Variants in GRIP1 observed in about 807,000 individuals in gnomAD.
GRIP1 encodes glutamate receptor interacting protein 1.
Under a neutral mutation model 129.9 loss-of-function variants are expected in GRIP1, and 45 were observed. The ratio of observed to expected loss-of-function variants is 0.35; its 90% CI spans 0.27 to 0.44. The LOEUF is 0.44. Among genes scored for constraint, GRIP1 ranks in the 20% least tolerant of loss-of-function variants. GRIP1 has a pLI of 1.00. For synonymous variants in GRIP1, 530 were observed against 520.8 expected, an observed-to-expected ratio of 1.02 and a Z score of -0.24; for missense variants, 1,196 against 1,396.8, an observed-to-expected ratio of 0.86 and a Z score of 2.29.
chr12:66,679,217 G>A, upstream of GRIP1: 1 of 1,031,122 alleles, frequency 9.7e-7, no homozygotes, highest in Non-Finnish European at 1.3e-6. Context: ...ACGACACTGT[G>A]TGAGGAGCCA....
At chr12:66,657,904 G>GA (rs1327532387) in intron 1 of GRIP1, among the ~76,000 whole-genome samples, 1 of 152,148 alleles carries the variant, frequency 6.6e-6, no homozygotes, top group Non-Finnish European at 1.5e-5. Context: ...TTAAATGTCT[G>GA]AAAAAGTCAT....
intron 1 of GRIP1, among the ~76,000 whole-genome samples, chr12:66,904,479 G>A (rs756298668): frequency 1.3e-5 from 2 of 152,222 alleles, no homozygotes; most frequent in Non-Finnish European, 2.9e-5. Flanking sequence ...AAATGTGTAT[G>A]AAATTCTGGG....
chr12:66,399,124 T>C (rs2056894948), intron 16 of GRIP1, among the ~76,000 whole-genome samples: 1 of 151,946 alleles, frequency 6.6e-6, no homozygotes, highest in African/African-American at 2.4e-5. Flanking sequence ...AGACATGTGA[T>C]GCAAACCCAA....
intron 1 of GRIP1, among the ~76,000 whole-genome samples, chr12:66,623,957 C>T (rs2065379842): frequency 6.6e-6 from 1 of 152,084 alleles, no homozygotes; most frequent in Non-Finnish European, 1.5e-5. Context: ...TTCAGCTACA[C>T]TATTATTATT....
chr12:66,548,268 C>T (rs1476866939), intron 2 of GRIP1, among the ~76,000 whole-genome samples: 1 of 152,092 alleles, frequency 6.6e-6, no homozygotes. Flanking sequence ...TTTCATTTGG[C>T]CTGGAGGTGC....
In GRIP1 at chr12:66,859,276, CA is replaced by C. The variant is rs1566054574; in HGVS notation, c.58+209773del. Among the ~76,000 whole-genome samples, 14 of 10,884 alleles carry C rather than the reference CA, an allele frequency of 1.3e-3. 1 individual carries two copies. Among genetic ancestry groups the C allele is most frequent in the South Asian group, 8.8e-3 (1 of 114 alleles). The allele number at this position is 10,884 out of a possible 152,430, so 7.1% of individuals were successfully genotyped here. On this transcript the variant is annotated intron_variant, in intron 1 of 1. Coordinates refer to the GRIP1 transcript ENST00000643019. The stretch of plus-strand genomic sequence containing the variant: ...CATTTTCTGAAAAAAAACAAAAAAA[CA>C]AAAAAACAAAAAAACAAAAAAACAA...
At chr12:66,556,359 A>C (rs1171117917) in intron 2 of GRIP1, among the ~76,000 whole-genome samples, 1 of 152,196 alleles carries the variant, frequency 6.6e-6, no homozygotes, top group Non-Finnish European at 1.5e-5. Context: ...GGAGAAATAA[A>C]GACCTTCCTA....
At chr12:66,978,294 AAAAT>A (rs1404005216) in intron 1 of GRIP1, among the ~76,000 whole-genome samples, 7 of 152,226 alleles carry the variant, frequency 4.6e-5, no homozygotes, top group Non-Finnish European at 1.0e-4. Flanking sequence ...ATTATACTAA[AAAAT>A]AACTAAAAAG....
chr12:67,013,172 T>C (rs1403639125), intron 1 of GRIP1, among the ~76,000 whole-genome samples: 1 of 152,182 alleles, frequency 6.6e-6, no homozygotes, highest in Non-Finnish European at 1.5e-5. Context: ...CTGTTTCTAA[T>C]TTTCAAAGAC....
chr12:66,717,568 A>T (rs1261081178), intron 1 of GRIP1, among the ~76,000 whole-genome samples: 1 of 152,148 alleles, frequency 6.6e-6, no homozygotes, highest in Non-Finnish European at 1.5e-5. Flanking sequence ...TCATTATGTA[A>T]ATCCAAGAAA....
intron 2 of GRIP1, among the ~76,000 whole-genome samples, chr12:66,579,343 A>G (rs2063278132): frequency 1.3e-5 from 2 of 152,214 alleles, no homozygotes; most frequent in Non-Finnish European, 2.9e-5. Context: ...AACTCTAAAA[A>G]GCAAAGCACC....
chr12:66,998,405 C>G (rs369783894), intron 1 of GRIP1, among the ~76,000 whole-genome samples: 2 of 145,358 alleles, frequency 1.4e-5, no homozygotes, highest in East Asian at 3.9e-4. Flanking sequence ...AGTATACTAC[C>G]CAGGTACTTT....
intron 11 of GRIP1, among the ~76,000 whole-genome samples, chr12:66,447,504 A>C (rs2058665010): frequency 6.6e-6 from 1 of 152,190 alleles, no homozygotes. Context: ...AAGACTGAAA[A>C]GATGCAACCC....
chr12:66,892,062 G>A (rs935126407), intron 1 of GRIP1: 2 of 152,764 alleles, frequency 1.3e-5, no homozygotes, highest in Non-Finnish European at 2.9e-5. Context: ...GCATCTCAGG[G>A]GAAGTAGCAC....
intron 1 of GRIP1, among the ~76,000 whole-genome samples, chr12:66,638,574 CTTGA>C (rs1265646238): frequency 6.6e-6 from 1 of 152,174 alleles, no homozygotes; most frequent in African/African-American, 2.4e-5. Flanking sequence ...AGCCAGGCTC[CTTGA>C]TTCTTTCCCT....
At position 66,592,737 on chromosome 12, in the gene GRIP1, T is replaced by A. The variant is rs1039757507; in HGVS notation, c.136+4110A>T. On this transcript the variant is annotated intron_variant, in intron 2 of 24. Transcript: ENST00000359742. ...CATTATTAAATGCCTCATCTCTAAG[T>A]GGGCAAGACCACAAATTATTGCAAA... Among the ~76,000 whole-genome samples the A allele has an allele frequency of 5.3e-5, 8 of 152,332 alleles. No individual in the cohort carries two copies. The South Asian group carries it at 1.2e-3, about 24-fold the overall frequency.
intron 11 of GRIP1, among the ~76,000 whole-genome samples, chr12:66,455,194 G>T (rs527310653): frequency 6.6e-6 from 1 of 152,316 alleles, no homozygotes; most frequent in South Asian, 2.1e-4. Context: ...TAGTATGAAT[G>T]AATTCAGTCT....
intron 1 of GRIP1, among the ~76,000 whole-genome samples, chr12:66,698,426 C>A (rs1165035152): frequency 6.6e-6 from 1 of 152,142 alleles, no homozygotes; most frequent in Non-Finnish European, 1.5e-5. Context: ...TTTTCATTTG[C>A]ACACAGGATG....
At chr12:66,389,800 GTTAC>G (rs2056508969) in intron 19 of GRIP1, among the ~76,000 whole-genome samples, 4 of 152,112 alleles carry the variant, frequency 2.6e-5, no homozygotes, top group Non-Finnish European at 5.9e-5. Flanking sequence ...CTTTCTGAAT[GTTAC>G]ACTTTAACGG....
Sources: allele counts gnomAD v4.1 joint callset (sites outside exome capture counted in the v4.1 genomes callset), GRCh38; gene constraint gnomAD v4.1.1; transcripts MANE v1.5; gene names NCBI Gene and HGNC (gene_info 2026-07-23, HGNC 2026-07-21).